ZBTB3: variants seen among roughly 807,000 people sequenced by gnomAD.
The protein encoded by ZBTB3 is zinc finger and BTB domain-containing protein 3.
ZBTB3 carries 15 observed loss-of-function variants against 30.6 expected under a neutral mutation model. The ratio of observed to expected loss-of-function variants is 0.49; its 90% confidence interval spans 0.33 to 0.75. The LOEUF (loss-of-function observed/expected upper bound fraction) is 0.75. Among genes scored for constraint, ZBTB3 ranks in the 30% least tolerant of loss-of-function variants. ZBTB3 has a pLI of 0.02. For missense variants in ZBTB3, 599 were observed against 652.1 expected, an observed-to-expected ratio of 0.92 and a Z score of 0.89; for synonymous variants, 258 against 261.7, an observed-to-expected ratio of 0.99 and a Z score of 0.14.
chr11:62,751,201 G>A lies in ZBTB3; in HGVS notation c.*889C>T, dbSNP rs1278461035. On this transcript the variant is annotated 3_prime_UTR_variant, in exon 2 of 2. Transcript: ENST00000394807. ...AGATCACCTGGGGTCAGGAATTTGA[G>A]ACCAGCCTGGCCAACATGGTGAAAC... The A allele has an allele frequency of 6.6e-6, 1 of 152,210 alleles. No individual in the cohort carries two copies. Among genetic ancestry groups the A allele is most frequent in the African/African-American group, 2.4e-5 (1 of 41,416 alleles). The allele number at this position is 152,210 out of a possible 1,614,324, so 9.4% of individuals were successfully genotyped here.
At position 62,754,067 on chromosome 11, in the gene ZBTB3, C is replaced by T; in HGVS notation, c.-155G>A. On this transcript the variant is annotated 5_prime_UTR_variant, in exon 1 of 2. Transcript: ENST00000394807. ...CTTCGAGAACTCCCTAAGCATCTCCCTCACGCATTCCAGGGGCTAAGGACT... is the reference window on the plus strand; with the variant it reads ...CTTCGAGAACTCCCTAAGCATCTCCTTCACGCATTCCAGGGGCTAAGGACT... The T allele has an allele frequency of 6.2e-7, 1 of 1,614,110 alleles. No homozygotes were observed. The highest frequency in any genetic ancestry group is 8.5e-7 in the Non-Finnish European group (1 of 1,179,968).
In ZBTB3 at chr11:62,752,675, G is replaced by A; in HGVS notation, c.990C>T (p.Phe330=). 14 of 1,614,214 alleles carry A rather than the reference G, an allele frequency of 8.7e-6. No homozygotes were observed. Among genetic ancestry groups the A allele is most frequent in the Non-Finnish European group, 1.2e-5 (14 of 1,180,044 alleles). The change falls in exon 2 of 2, where the codon TTC becomes TTT. Residue 330 remains phenylalanine (F), a synonymous_variant. Transcript: ENST00000394807. ...DEQPQGPERA[F]PSGGAVYGAQ... Reference sequence around the variant, plus strand: ...CCCCATACACTGCTCCTCCAGATGGGAAAGCTCTCTCAGGACCCTGAGGCT... The same window carrying A: ...CCCCATACACTGCTCCTCCAGATGGAAAAGCTCTCTCAGGACCCTGAGGCT...
chr11:62,752,994 C>G lies in ZBTB3; in HGVS notation c.671G>C (p.Ser224Thr), dbSNP rs756600074. The stretch of plus-strand genomic sequence containing the variant: ...GTTTGTAGGAATGGTCTCAGTGGAG[C>G]TACTAGGGCTGGCAAGAGAGACATC... ...VADVSLASPS[S>T]STETIPTNYF... The change falls in exon 2 of 2, where the codon AGC becomes ACC. Residue 224 changes from serine (S) to threonine (T), a missense_variant. By Grantham distance (58) the Ser-to-Thr change is moderately conservative. Transcript: ENST00000394807. 6.2e-7 allele frequency: 1 copy of G among 1,614,098 alleles called. No individual in the cohort carries two copies. Among genetic ancestry groups the G allele is most frequent in the South Asian group, 1.1e-5 (1 of 91,072 alleles).
At position 62,752,617 on chromosome 11, in the gene ZBTB3, G is replaced by A. The variant is rs946436563; in HGVS notation, c.1048C>T (p.Pro350Ser). 6.2e-7 allele frequency: 1 copy of A among 1,614,182 alleles called. No individual in the cohort carries two copies. The change falls in exon 2 of 2, where the codon CCA (proline) becomes TCA (serine). Residue 350 changes from proline to serine, a missense_variant. By Grantham distance (74) the Pro-to-Ser change is moderately conservative (BLOSUM62 -1). Coordinates refer to ENST00000394807, the MANE Select transcript of ZBTB3 (RefSeq NM_001370809.1). ...QPSQPEAFED[P>S]GAAGLEEVGP... The stretch of plus-strand genomic sequence containing the variant: ...ACCTCCTCCAGTCCTGCTGCCCCTG[G>A]GTCTTCAAAAGCCTCTGGCTGGGAG...
intron 1 of ZBTB3, 50 bp downstream of exon 1, chr11:62,753,914 G>GC (rs747539245): frequency 2.5e-6 from 4 of 1,572,614 alleles, no homozygotes; most frequent in Admixed American, 1.8e-5. Context: ...GATAAGCCCT[G>GC]CCCCCGGAAG....
rs796601139 is a variant in ZBTB3 at position 62,753,914 on chromosome 11, G to A, written c.-52+50C>T. The stretch of plus-strand genomic sequence containing the variant: ...GCCCCACCCCCGTCCGATAAGCCCT[G>A]CCCCCGGAAGTCCCGCCCCTTAGCC... On this transcript the variant is annotated intron_variant, in intron 1 of 1. Transcript: ENST00000394807. 9 of 1,572,618 alleles carry A rather than the reference G, an allele frequency of 5.7e-6. No individual in the cohort carries two copies. The African/African-American group carries it at 1.3e-4, about 22-fold the overall frequency.
Position 62,752,425 on chromosome 11 carries a change from A to C in ZBTB3, c.1240T>G (p.Phe414Val). The C allele has an allele frequency of 6.2e-7, 1 of 1,614,124 alleles. No individual in the cohort carries two copies. The highest frequency in any genetic ancestry group is 8.5e-7 in the Non-Finnish European group (1 of 1,180,020). Residue 414 changes from phenylalanine (F) to valine (V), a missense_variant, in exon 2 of 2, where the codon TTT becomes GTT. Coordinates refer to ENST00000394807, the MANE Select transcript of ZBTB3 (RefSeq NM_001370809.1). Reference sequence around the variant, plus strand: ...GGAACATCCTCAGTAAAAACCCCAAAGCTTCCTGGAGCTGCTTCGTACTCA... The same window carrying C: ...GGAACATCCTCAGTAAAAACCCCAACGCTTCCTGGAGCTGCTTCGTACTCA... ...SSEYEAAPGS[F>V]GVFTEDVPTC... is the part of the protein sequence containing the mutation.
rs767170361 is a variant in ZBTB3 at position 62,752,544 on chromosome 11, T to C, written c.1121A>G (p.His374Arg). 4 of 1,614,086 alleles carry C rather than the reference T, an allele frequency of 2.5e-6. No homozygotes were observed. Among genetic ancestry groups the C allele is most frequent in the Non-Finnish European group, 2.5e-6 (3 of 1,180,022 alleles). ...ATACTGCCCTGCACCTGGCAGCAGA[T>C]GGTAGGGTAGATGAGGGTCTGTTGG... ...FLPTDPHLPY[H>R]LLPGAGQYHR... Residue 374 changes from histidine to arginine, a missense_variant, in exon 2 of 2, where the codon CAT (histidine) becomes CGT (arginine). Physicochemically the swap from His to Arg is conservative, Grantham distance 29. Transcript: ENST00000394807.
intron 1 of ZBTB3, 43 bp from the exon 2 acceptor site, chr11:62,753,758 G>A (rs1213690800): frequency 1.3e-6 from 2 of 1,558,754 alleles, no homozygotes; most frequent in Non-Finnish European, 1.7e-6. Flanking sequence ...AACCTCCCCA[G>A]CAACCTTATC....
rs941104029 is a variant in ZBTB3 at position 62,752,266 on chromosome 11, G to A, written c.1399C>T (p.Arg467Cys). The change falls in exon 2 of 2, where the codon CGC (arginine) becomes TGC (cysteine). Residue 467 changes from arginine (R) to cysteine (C), a missense_variant. Coordinates refer to ENST00000394807, the MANE Select transcript of ZBTB3 (RefSeq NM_001370809.1). ...TCATTGTGAGCCTTGCGGATGTGGC[G>A]GTAGAGGTCCCCTGACTGCGTGTAG... The part of the protein sequence containing the change: ...RSYTQSGDLY[R>C]HIRKAHNEDL... 4.3e-6 allele frequency: 7 copies of A among 1,614,066 alleles called. No individual in the cohort carries two copies. Among genetic ancestry groups the A allele is most frequent in the African/African-American group, 2.7e-5 (2 of 74,930 alleles).
At position 62,752,550 on chromosome 11, in the gene ZBTB3, G is replaced by A. The variant is rs1217546173; in HGVS notation, c.1115C>T (p.Pro372Leu). The change falls in exon 2 of 2, where the codon CCC becomes CTC. Residue 372 changes from proline (P) to leucine (L), a missense_variant. By Grantham distance (98) the Pro-to-Leu change is moderately conservative. Transcript: ENST00000394807. ...CCCTGCACCTGGCAGCAGATGGTAG[G>A]GTAGATGAGGGTCTGTTGGCAGGAA... ...DHFLPTDPHL[P>L]YHLLPGAGQY... is the part of the protein sequence containing the mutation. 6.2e-7 allele frequency: 1 copy of A among 1,614,164 alleles called. No homozygotes were observed. The highest frequency in any genetic ancestry group is 1.3e-5 in the African/African-American group (1 of 75,040).
At position 62,752,523 on chromosome 11, in the gene ZBTB3, T is replaced by G; in HGVS notation, c.1142A>C (p.Gln381Pro). ...LPYHLLPGAGQYHRGLVTSPL... is the reference protein window; with the variant it reads ...LPYHLLPGAGPYHRGLVTSPL... Reference sequence around the variant, plus strand: ...TGAGGTCACCAGTCCTCGATGATACTGCCCTGCACCTGGCAGCAGATGGTA... The same window carrying G: ...TGAGGTCACCAGTCCTCGATGATACGGCCCTGCACCTGGCAGCAGATGGTA... Residue 381 changes from glutamine to proline, a missense_variant, in exon 2 of 2, where the codon CAG (glutamine) becomes CCG (proline). Gln to Pro is a moderately conservative substitution (Grantham distance 76). Coordinates refer to ENST00000394807, the MANE Select transcript of ZBTB3 (RefSeq NM_001370809.1). The G allele has an allele frequency of 6.2e-7, 1 of 1,614,198 alleles. No individual in the cohort carries two copies. The highest frequency in any genetic ancestry group is 8.5e-7 in the Non-Finnish European group (1 of 1,180,040).
Position 62,753,771 on chromosome 11 carries a change from C to T in ZBTB3, c.-51-56G>A, listed in dbSNP as rs912620498. On this transcript the variant is annotated intron_variant, in intron 1 of 1. Coordinates refer to ENST00000394807, the MANE Select transcript of ZBTB3 (RefSeq NM_001370809.1). ...GTAACCTCCCCAGCAACCTTATCAG[C>T]CCTTAACTATCACTTGCCACTCCAA... 4 of 1,550,100 alleles carry T rather than the reference C, an allele frequency of 2.6e-6. No individual in the cohort carries two copies. The African/African-American group carries it at 4.1e-5, about 16-fold the overall frequency.
chr11:62,753,957 T>C lies in ZBTB3; in HGVS notation c.-52+7A>G, dbSNP rs775163886. 1.9e-6 allele frequency: 3 copies of C among 1,613,496 alleles called. No homozygotes were observed. In the South Asian group the frequency reaches 3.3e-5, roughly 18 times the overall value. ...CCTTAGCCACCCTCCGCTTCCTTGATGCCCACCCGGTAGCGTCCAACGGCT... is the reference window on the plus strand; with the variant it reads ...CCTTAGCCACCCTCCGCTTCCTTGACGCCCACCCGGTAGCGTCCAACGGCT... On this transcript the variant is annotated splice_region_variant and intron_variant, in intron 1 of 1. Transcript: ENST00000394807.
chr11:62,753,613 G>A lies in ZBTB3; in HGVS notation c.52C>T (p.Arg18Trp). The A allele has an allele frequency of 6.2e-7, 1 of 1,613,808 alleles. No individual in the cohort carries two copies. Among genetic ancestry groups the A allele is most frequent in the South Asian group, 1.1e-5 (1 of 91,056 alleles). Residue 18 changes from arginine (R) to tryptophan (W), a missense_variant, in exon 2 of 2, where the codon CGG (arginine) becomes TGG (tryptophan). By Grantham distance (101) the Arg-to-Trp change is moderately radical. Transcript: ENST00000394807. ...CAGTCACAAAGGAAACCCTGGGACC[G>A]CTGCTCCCGGAGGCTCTGCAGCAGC... is the stretch of plus-strand genomic sequence containing the variant. ...QQLLQSLREQ[R>W]SQGFLCDCTV...
chr11:62,752,022 G>C lies in ZBTB3; in HGVS notation c.*68C>G. ...TCTTGTCACCCAGCAGGGGTGATAA[G>C]GTGCCACCAACCTTCTGAGCTGCCA... is the stretch of plus-strand genomic sequence containing the variant. On this transcript the variant is annotated 3_prime_UTR_variant, in exon 2 of 2. Coordinates refer to ENST00000394807, the MANE Select transcript of ZBTB3 (RefSeq NM_001370809.1). 6.8e-7 allele frequency: 1 copy of C among 1,467,454 alleles called. No individual in the cohort carries two copies. The highest frequency in any genetic ancestry group is 9.1e-7 in the Non-Finnish European group (1 of 1,093,898). 90.9% of individuals were successfully genotyped at this position (1,467,454 alleles called of 1,614,324 possible).
At chr11:62,753,887 A>G in intron 1 of ZBTB3, 77 bp downstream of exon 1, 1 of 1,588,668 alleles carries the variant, frequency 6.3e-7, no homozygotes, top group Non-Finnish European at 8.6e-7. Context: ...ACCTTAGAAC[A>G]GGCCCCACCC....
rs942088425 is a variant in ZBTB3 at position 62,751,059 on chromosome 11, T to C, written c.*1031A>G. ...AATTCCCAGTGCCCTTGGAGAGAGCTGACATAGGCTTTGCCCCATAAAGTC... is the reference window on the plus strand; with the variant it reads ...AATTCCCAGTGCCCTTGGAGAGAGCCGACATAGGCTTTGCCCCATAAAGTC... On this transcript the variant is annotated 3_prime_UTR_variant, in exon 2 of 2. Coordinates refer to ENST00000394807, the MANE Select transcript of ZBTB3 (RefSeq NM_001370809.1). 2 of 152,372 alleles carry C rather than the reference T, an allele frequency of 1.3e-5. No homozygotes were observed. The highest frequency in any genetic ancestry group is 6.6e-5 in the Admixed American group (1 of 15,216). 9.4% of individuals were successfully genotyped at this position (152,372 alleles called of 1,614,324 possible).
chr11:62,752,706 T>C lies in ZBTB3; in HGVS notation c.959A>G (p.Asp320Gly), dbSNP rs747240653. Residue 320 changes from aspartate (D) to glycine (G), a missense_variant, in exon 2 of 2, where the codon GAT becomes GGT. By Grantham distance (94) the Asp-to-Gly change is moderately conservative. Coordinates refer to ENST00000394807, the MANE Select transcript of ZBTB3 (RefSeq NM_001370809.1). Reference protein sequence around the residue: ...VISDEETDVSDEQPQGPERAF... With the variant: ...VISDEETDVSGEQPQGPERAF... ...TCTCTCAGGACCCTGAGGCTGTTCA[T>C]CTGACACATCAGTCTCTTCATCAGA... The C allele has an allele frequency of 4.3e-6, 7 of 1,614,092 alleles. No individual in the cohort carries two copies. In the African/African-American group the frequency reaches 6.7e-5, roughly 15 times the overall value.
Sources: gnomAD v4.1 joint callset for allele counts on GRCh38, gnomAD v4.1.1 for gene constraint, MANE v1.5 for transcripts, NCBI Gene and HGNC (gene_info 2026-07-23, HGNC 2026-07-21) for gene names.